Variants in ACBD6 observed in about 807,000 individuals in gnomAD.
ACBD6 encodes acyl-CoA binding domain containing 6, also known as acyl-CoA-binding domain-containing protein 6.
In ACBD6, 28 loss-of-function variants were observed where a neutral mutation model predicts 37.2. That is an observed-to-expected ratio of 0.75 (90% CI 0.56 to 1.03). The LOEUF is 1.03. ACBD6 is among the 50% of genes least tolerant of loss of function. ACBD6 has a pLI of 0.00. For synonymous variants in ACBD6, 113 were observed against 126.8 expected (o/e 0.89, Z 0.73); for missense variants, 340 against 337.4 (o/e 1.01, Z -0.06).
chr1:180,467,577 G>A (rs1934414), intron 3 of ACBD6, among the ~76,000 whole-genome samples: 1 of 151,624 alleles, frequency 6.6e-6, no homozygotes, highest in Admixed American at 6.6e-5. Context: ...CTTAAGCCCA[G>A]AAGTTTGAGG....
intron 3 of ACBD6, among the ~76,000 whole-genome samples, chr1:180,442,901 T>C (rs1649335398): frequency 6.6e-6 from 1 of 152,188 alleles, no homozygotes; most frequent in Non-Finnish European, 1.5e-5. Context: ...AAAGTAAGTG[T>C]TTTCATGTCC....
intron 3 of ACBD6, among the ~76,000 whole-genome samples, chr1:180,451,193 C>T (rs1649688887): frequency 6.6e-6 from 1 of 152,126 alleles, no homozygotes; most frequent in Non-Finnish European, 1.5e-5. Context: ...AAATTGAAAT[C>T]ACAACAAGAT....
intron 7 of ACBD6, among the ~76,000 whole-genome samples, chr1:180,292,589 A>T (rs1329475393): frequency 6.7e-6 from 1 of 150,162 alleles, no homozygotes; most frequent in African/African-American, 2.4e-5. Context: ...CATCCTGTGA[A>T]CTTGGTGAAC....
intron 1 of ACBD6, 68 bp downstream of exon 1, chr1:180,501,977 G>T: frequency 1.4e-6 from 2 of 1,456,974 alleles, no homozygotes; most frequent in Non-Finnish European, 1.9e-6. Flanking sequence ...ATACATGCTT[G>T]CTATCAGTTG....
chr1:180,367,563 C>A (rs1653097226), intron 6 of ACBD6, among the ~76,000 whole-genome samples: 2 of 152,048 alleles, frequency 1.3e-5, no homozygotes, highest in Admixed American at 6.6e-5. Flanking sequence ...TCAAGCAGAC[C>A]CCAGTGTCTA....
intron 6 of ACBD6, among the ~76,000 whole-genome samples, chr1:180,343,568 A>G (rs1204974155): frequency 6.6e-6 from 1 of 152,208 alleles, no homozygotes; most frequent in Non-Finnish European, 1.5e-5. Flanking sequence ...TATAAGTTTA[A>G]GCAGAACCTT....
chr1:180,271,120 C>T, exon 14 of ACBD6: 2 of 547,790 alleles, frequency 3.7e-6, no homozygotes, highest in Non-Finnish European at 6.6e-6. Flanking sequence ...TGCAGCTGGG[C>T]TGGCAGGGGA....
chr1:180,376,962 A>G (rs1419653586), intron 6 of ACBD6, among the ~76,000 whole-genome samples: 2 of 152,248 alleles, frequency 1.3e-5, no homozygotes, highest in African/African-American at 2.4e-5. Flanking sequence ...AGAAACAAAC[A>G]TAAGTAACTT....
At chr1:180,380,130 C>T (rs1653581884) in intron 6 of ACBD6, among the ~76,000 whole-genome samples, 2 of 151,966 alleles carry the variant, frequency 1.3e-5, no homozygotes, top group Non-Finnish European at 2.9e-5. Flanking sequence ...GCATGGTGAC[C>T]CTCATCTGCA....
intron 3 of ACBD6, among the ~76,000 whole-genome samples, chr1:180,438,954 G>A (rs1052928463): frequency 1.3e-5 from 2 of 151,992 alleles, no homozygotes; most frequent in Admixed American, 1.3e-4. Flanking sequence ...TGAACCCACG[G>A]CAACTAGTGA....
At chr1:180,479,528 T>C (rs1002916336) in intron 3 of ACBD6, among the ~76,000 whole-genome samples, 2 of 151,486 alleles carry the variant, frequency 1.3e-5, no homozygotes, top group African/African-American at 4.9e-5. Flanking sequence ...TGAAGAGAAG[T>C]GGGTTAAAGG....
chr1:180,352,757 TAC>T (rs1652466057), intron 6 of ACBD6, among the ~76,000 whole-genome samples: 1 of 152,220 alleles, frequency 6.6e-6, no homozygotes, highest in Non-Finnish European at 1.5e-5. Context: ...CTGCACTTTA[TAC>T]ACAGAGTACA....
At chr1:180,454,976 TCTAGAA>T (rs1389641573) in intron 3 of ACBD6, among the ~76,000 whole-genome samples, 6 of 152,278 alleles carry the variant, frequency 3.9e-5, no homozygotes, top group Admixed American at 3.3e-4. Flanking sequence ...TCCTCAGGGA[TCTAGAA>T]CTAGAAATAC....
chr1:180,398,812 T>C lies in ACBD6; in HGVS notation c.574-1207A>G, dbSNP rs139589962. The stretch of plus-strand genomic sequence containing the variant: ...TGAGGATGGTGATGATGTTGTCATT[T>C]ATAAAGAATGGAATGTTTTTCCACA... On this transcript the variant is annotated intron_variant, in intron 5 of 7. Coordinates refer to ENST00000367595, the MANE Select transcript of ACBD6 (RefSeq NM_032360.4). 1.1e-4 allele frequency among the ~76,000 whole-genome samples: 17 copies of C among 152,348 alleles called. No homozygotes were observed. The East Asian group carries it at 3.1e-3, about 28-fold the overall frequency.
intron 6 of ACBD6, among the ~76,000 whole-genome samples, chr1:180,344,668 A>G (rs1349743326): frequency 6.6e-6 from 1 of 152,164 alleles, no homozygotes; most frequent in Admixed American, 6.5e-5. Context: ...TCATTCTCAC[A>G]ACAACCCTAT....
intron 6 of ACBD6, 90 bp downstream of exon 6, chr1:180,397,426 C>T: frequency 1.8e-6 from 2 of 1,126,468 alleles, no homozygotes; most frequent in Non-Finnish European, 2.7e-6. Context: ...CACTGAATTG[C>T]ACATTTCAAA....
chr1:180,446,729 C>T (rs1318225628), intron 3 of ACBD6, among the ~76,000 whole-genome samples: 1 of 152,078 alleles, frequency 6.6e-6, no homozygotes, highest in African/African-American at 2.4e-5. Flanking sequence ...TTTAAAAAAT[C>T]ATCTCCTACA....
chr1:180,270,876 G>GAT, exon 14 of ACBD6: 12 of 200,184 alleles, frequency 6.0e-5, no homozygotes, highest in Admixed American at 1.7e-4. Context: ...GGGTGTGCAA[G>GAT]CTCACCCCTG....
downstream of ACBD6, among the ~76,000 whole-genome samples, chr1:180,284,152 C>T (rs1317674011): frequency 6.6e-6 from 1 of 152,020 alleles, no homozygotes; most frequent in Non-Finnish European, 1.5e-5. Context: ...GAAAATTGAC[C>T]ATACTTGGTG....
Sources: gnomAD v4.1 joint callset for allele counts (sites outside exome capture counted in the v4.1 genomes callset) on GRCh38, gnomAD v4.1.1 for gene constraint, MANE v1.5 for transcripts, NCBI Gene and HGNC (gene_info 2026-07-23, HGNC 2026-07-21) for gene names.